SLTM: variants seen among roughly 807,000 people sequenced by gnomAD.
The protein encoded by SLTM is SAFB-like transcription modulator.
SLTM carries 43 observed loss-of-function variants against 134.6 expected under a neutral mutation model. That is an observed-to-expected ratio of 0.32 (90% CI 0.25 to 0.41). The LOEUF (loss-of-function observed/expected upper bound fraction) is 0.41, where lower values mean the gene tolerates loss of function less well. SLTM is among the 10% of genes least tolerant of loss of function. SLTM has a pLI of 1.00. For missense variants in SLTM, 1,055 were observed against 1,288.8 expected (o/e 0.82, Z 2.78); for synonymous variants, 424 against 432.3 (o/e 0.98, Z 0.24).
intron 4 of SLTM, 22 bp from the exon 5 acceptor site, chr15:58,912,632 AG>A (rs1482868745): frequency 2.7e-5 from 42 of 1,581,434 alleles, no homozygotes; most frequent in Non-Finnish European, 3.5e-5. Context: ...GGTATACAAT[AG>A]CTTTGCTTTA....
In SLTM at chr15:58,924,907, C is replaced by T. The variant is rs150532394; in HGVS notation, c.250+7449G>A. Among the ~76,000 whole-genome samples the T allele has an allele frequency of 2.2e-3, 337 of 152,070 alleles. 6 individuals are homozygous for T. The highest frequency in any genetic ancestry group is 0.01 in the Middle Eastern group (3 of 292). ...CAGTCATGGTTCACTGCAGCCTCAACCACCTGGGTCCAAGCAATCTTCCTG... is the reference window on the plus strand; with the variant it reads ...CAGTCATGGTTCACTGCAGCCTCAATCACCTGGGTCCAAGCAATCTTCCTG... On this transcript the variant is annotated intron_variant, in intron 2 of 20. Transcript: ENST00000380516.
At chr15:58,904,628 C>G (rs918296193) in intron 5 of SLTM, among the ~76,000 whole-genome samples, 2 of 151,082 alleles carry the variant, frequency 1.3e-5, no homozygotes, top group Non-Finnish European at 2.9e-5. Context: ...TCTCTGCAAA[C>G]CTCTGCCTCC....
chr15:58,933,287 A>G (rs1254234016), intron 1 of SLTM, 117 bp downstream of exon 1: 4 of 1,186,966 alleles, frequency 3.4e-6, no homozygotes, highest in Non-Finnish European at 4.5e-6. Context: ...CCTCCCTACC[A>G]TGCCGTTCCG....
intron 8 of SLTM, 110 bp from the exon 9 acceptor site, chr15:58,897,343 A>G: frequency 1.6e-5 from 10 of 629,992 alleles, no homozygotes; most frequent in East Asian, 7.8e-5. Context: ...TGACGTTACT[A>G]TATCAAAATC....
At chr15:58,921,594 C>T in intron 2 of SLTM, 1 of 443,546 alleles carries the variant, frequency 2.3e-6, no homozygotes. Context: ...TCTTAAAAGA[C>T]ATTAGGACAA....
chr15:58,919,076 T>C (rs1195101505), intron 2 of SLTM, among the ~76,000 whole-genome samples: 1 of 152,092 alleles, frequency 6.6e-6, no homozygotes, highest in African/African-American at 2.4e-5. Flanking sequence ...CATACATGGC[T>C]AATGTTTTGT....
At chr15:58,880,829 G>A (rs1259393334) in intron 20 of SLTM, among the ~76,000 whole-genome samples, 3 of 152,050 alleles carry the variant, frequency 2.0e-5, no homozygotes, top group East Asian at 3.9e-4. Flanking sequence ...GCCTCCCAAA[G>A]TACTGAAATT....
chr15:58,923,429 C>T (rs1360504272), intron 2 of SLTM, among the ~76,000 whole-genome samples: 11 of 152,100 alleles, frequency 7.2e-5, no homozygotes, highest in African/African-American at 2.4e-4. Context: ...CTATTTGGCC[C>T]AACTGGGAGA....
intron 6 of SLTM, chr15:58,900,270 T>G: frequency 4.5e-6 from 1 of 221,508 alleles, no homozygotes; most frequent in Non-Finnish European, 9.0e-6. Flanking sequence ...GTGACAAAAG[T>G]GCAGATTGTT....
chr15:58,893,830 T>G lies in SLTM; in HGVS notation c.1639A>C (p.Lys547Gln). ...SESIKKSEEK[K>Q]RISSKSPGHM... ...AAGATGTATAGCATACTTATTCGCTTCTTTTCTTCACTTTTTTTAATCGAT... is the reference window on the plus strand; with the variant it reads ...AAGATGTATAGCATACTTATTCGCTGCTTTTCTTCACTTTTTTTAATCGAT... Residue 547 changes from lysine (K) to glutamine (Q), a missense_variant, in exon 12 of 21, where the codon AAG becomes CAG. Around this residue, in one of 3 missense-constraint regions of SLTM, gnomAD observed 776 missense variants for 962.2 expected, o/e 0.81. Transcript: ENST00000380516. 6.2e-7 allele frequency: 1 copy of G among 1,608,700 alleles called. No individual in the cohort carries two copies. The highest frequency in any genetic ancestry group is 2.2e-5 in the East Asian group (1 of 44,786).
rs533326484 is a variant in SLTM at position 58,901,518 on chromosome 15, C to T, written c.562-231G>A. 2.7e-4 allele frequency among the ~76,000 whole-genome samples: 41 copies of T among 152,276 alleles called. 1 individual carries two copies. The highest frequency in any genetic ancestry group is 2.4e-3 in the Admixed American group (37 of 15,296). On this transcript the variant is annotated intron_variant, in intron 5 of 20. Coordinates refer to ENST00000380516, the MANE Select transcript of SLTM (RefSeq NM_024755.4). The stretch of plus-strand genomic sequence containing the variant: ...AAACAGGTATATCTATCAATGAGTA[C>T]ATAAATAACAAACTGGATTAGTTTC...
chr15:58,893,163 T>G, intron 13 of SLTM, 103 bp from the exon 14 acceptor site: 1 of 1,404,560 alleles, frequency 7.1e-7, no homozygotes, highest in African/African-American at 1.5e-5. Flanking sequence ...TAGTAACATT[T>G]CCTTTTTCTT....
intron 2 of SLTM, among the ~76,000 whole-genome samples, chr15:58,922,654 G>A (rs1393062348): frequency 6.2e-5 from 9 of 145,166 alleles, no homozygotes; most frequent in Admixed American, 2.1e-4. Context: ...TATTATATGC[G>A]TATATAAAAA....
chr15:58,927,256 T>C (rs2037541703), intron 2 of SLTM, among the ~76,000 whole-genome samples: 1 of 152,190 alleles, frequency 6.6e-6, no homozygotes, highest in African/African-American at 2.4e-5. Flanking sequence ...TTTCTGTTTT[T>C]TGAGACCAAG....
chr15:58,887,387 C>T lies in SLTM; in HGVS notation c.2529G>A (p.Arg843=). 6 of 1,613,946 alleles carry T rather than the reference C, an allele frequency of 3.7e-6. No individual in the cohort carries two copies. Among genetic ancestry groups the T allele is most frequent in the Non-Finnish European group, 5.1e-6 (6 of 1,179,982 alleles). The part of the protein sequence containing the change: ...PPRNELRESD[R]REVRGERDER... ...CGTCTCGCTCCCCTCGTACTTCTCGCCTGTCTGATTCTCTAAGTTCATTTC... is the reference window on the plus strand; with the variant it reads ...CGTCTCGCTCCCCTCGTACTTCTCGTCTGTCTGATTCTCTAAGTTCATTTC... The change falls in exon 18 of 21, where the codon AGG becomes AGA. Residue 843 remains arginine, a synonymous_variant. Transcript: ENST00000380516.
intron 3 of SLTM, among the ~76,000 whole-genome samples, chr15:58,914,682 G>T (rs1399065241): frequency 2.6e-5 from 4 of 152,162 alleles, no homozygotes; most frequent in Admixed American, 6.5e-5. Context: ...CTATTCTAAG[G>T]TGCCAACTTT....
intron 1 of SLTM, 74 bp downstream of exon 1, chr15:58,933,330 G>A: frequency 1.4e-6 from 2 of 1,462,778 alleles, no homozygotes; most frequent in Non-Finnish European, 1.8e-6. Context: ...GCCGGAGGCT[G>A]CGGCGGAAGC....
At position 58,884,002 on chromosome 15, in the gene SLTM, G is replaced by A. The variant is rs539605200; in HGVS notation, c.2836-216C>T. Among the ~76,000 whole-genome samples, 3 of 151,840 alleles carry A rather than the reference G, an allele frequency of 2.0e-5. No individual in the cohort carries two copies. In the South Asian group the frequency reaches 6.2e-4, roughly 32 times the overall value. On this transcript the variant is annotated intron_variant, in intron 19 of 20. Coordinates refer to ENST00000380516, the MANE Select transcript of SLTM (RefSeq NM_024755.4). ...TAATCCCAGCTACTCAGGAGGCTGGGGCAGGAGAATCACTTGAACCCGGGA... is the reference window on the plus strand; with the variant it reads ...TAATCCCAGCTACTCAGGAGGCTGGAGCAGGAGAATCACTTGAACCCGGGA...
chr15:58,895,182 T>C (rs1328922473), intron 9 of SLTM, among the ~76,000 whole-genome samples: 2 of 152,220 alleles, frequency 1.3e-5, no homozygotes, highest in African/African-American at 2.4e-5. Context: ...AGCAAATAAA[T>C]TGGATTTGAA....
Sources: gnomAD v4.1 joint callset for allele counts (sites outside exome capture counted in the v4.1 genomes callset) on GRCh38, gnomAD v4.1.1 for gene constraint, gnomAD v4.1.1 regional missense constraint, MANE v1.5 for transcripts, NCBI Gene and HGNC (gene_info 2026-07-23, HGNC 2026-07-21) for gene names.